The following CCSER2 variants were observed in gnomAD, a reference collection of about 807,000 sequenced individuals.
The protein encoded by CCSER2 is serine-rich coiled-coil domain-containing protein 2.
CCSER2 carries 46 observed loss-of-function variants against 92.3 expected under a neutral mutation model. That is an observed-to-expected ratio of 0.50 (90% CI 0.39 to 0.64). The LOEUF (loss-of-function observed/expected upper bound fraction) is 0.64, where lower values mean the gene tolerates loss of function less well. CCSER2 is among the 30% of genes least tolerant of loss of function. CCSER2 has a pLI of 0.00. For synonymous variants in CCSER2, 433 were observed against 431.4 expected (o/e 1.00, Z -0.04); for missense variants, 1,244 against 1,238.9 (o/e 1.00, Z -0.06).
intron 3 of CCSER2, chr10:84,374,050 A>G: frequency 2.2e-6 from 2 of 913,972 alleles, no homozygotes; most frequent in South Asian, 1.8e-5. Flanking sequence ...TTCCTCATAC[A>G]TATGTGCATA....
At position 84,458,528 on chromosome 10, in the gene CCSER2, A is replaced by G. The variant is rs184511301; in HGVS notation, c.2065-5405A>G. ...TTTTAGTTCTTTTGCCTTTTCATGT[A>G]AATTTTAGAAGCAGCGTTTCTATTT... On this transcript the variant is annotated intron_variant, in intron 6 of 9. Coordinates refer to ENST00000372088, the MANE Select transcript of CCSER2 (RefSeq NM_001284240.2). Among the ~76,000 whole-genome samples the G allele has an allele frequency of 7.0e-3, 1,061 of 152,228 alleles. 7 individuals carry two copies. Among genetic ancestry groups the G allele is most frequent in the South Asian group, 0.028 (136 of 4,830 alleles).
At chr10:84,416,650 TGGGCGC>T (rs1043838439) in intron 3 of CCSER2, among the ~76,000 whole-genome samples, 120 of 152,248 alleles carry the variant, frequency 7.9e-4, no homozygotes, top group African/African-American at 2.8e-3. Flanking sequence ...TTTTTTTGGC[TGGGCGC>T]GGTAGCTCAA....
At chr10:84,432,694 CT>C (rs1843851690) in intron 5 of CCSER2, among the ~76,000 whole-genome samples, 1 of 152,108 alleles carries the variant, frequency 6.6e-6, no homozygotes, top group Non-Finnish European at 1.5e-5. Flanking sequence ...CTTGATAGTA[CT>C]TTTTGCAGGA....
intron 1 of CCSER2, among the ~76,000 whole-genome samples, chr10:84,370,555 T>A (rs1414774472): frequency 6.6e-6 from 1 of 152,124 alleles, no homozygotes; most frequent in Admixed American, 6.6e-5. Flanking sequence ...ATCATATCAT[T>A]GGCAAACAGA....
chr10:84,363,572 C>G (rs1225065130), intron 1 of CCSER2, among the ~76,000 whole-genome samples: 1 of 151,924 alleles, frequency 6.6e-6, no homozygotes, highest in East Asian at 1.9e-4. Context: ...CAATTTATAC[C>G]TTCTAAAAAA....
rs143985813 is a variant in CCSER2 at position 84,375,171 on chromosome 10, A to T, written c.1614+1356A>T. Among the ~76,000 whole-genome samples, 34 of 152,292 alleles carry T rather than the reference A, an allele frequency of 2.2e-4. 2 individuals carry two copies. The East Asian group carries it at 6.6e-3, about 29-fold the overall frequency. On this transcript the variant is annotated intron_variant, in intron 3 of 9. Transcript: ENST00000372088. Reference sequence around the variant, plus strand: ...GAGGCTAACCACCTTGATTCAGTTCATTGTTCCTGTAACTAATCACAAAAT... The same window carrying T: ...GAGGCTAACCACCTTGATTCAGTTCTTTGTTCCTGTAACTAATCACAAAAT...
intron 3 of CCSER2, among the ~76,000 whole-genome samples, chr10:84,396,718 G>A (rs1240355159): frequency 6.6e-6 from 1 of 151,806 alleles, no homozygotes; most frequent in Non-Finnish European, 1.5e-5. Flanking sequence ...TGTATTTTTG[G>A]TAGAGATGGG....
intron 3 of CCSER2, among the ~76,000 whole-genome samples, chr10:84,401,926 A>G (rs1230889818): frequency 6.6e-6 from 1 of 152,206 alleles, no homozygotes; most frequent in Admixed American, 6.5e-5. Context: ...AGAGGTAAGA[A>G]TTGAGAGGCA....
rs375583659 is a variant in CCSER2 at position 84,438,618 on chromosome 10, A to T, written c.1975A>T (p.Ile659Leu). ...MFVDVPENTV[I>L]LDEMTLRHMV... ...TGTTGATGTACCAGAAAATACAGTGATACTGGATGAGATGACCCTTCGGCA... is the reference window on the plus strand; with the variant it reads ...TGTTGATGTACCAGAAAATACAGTGTTACTGGATGAGATGACCCTTCGGCA... The change falls in exon 6 of 10, where the codon ATA (isoleucine) becomes TTA (leucine). Residue 659 changes from isoleucine to leucine, a missense_variant. Ile to Leu is a conservative substitution (Grantham distance 5, BLOSUM62 2). Transcript: ENST00000372088. The T allele has an allele frequency of 9.3e-6, 15 of 1,613,028 alleles. No individual in the cohort carries two copies. The African/African-American group carries it at 2.0e-4, about 22-fold the overall frequency.
chr10:84,423,811 T>G (rs1314664670), intron 4 of CCSER2, among the ~76,000 whole-genome samples: 1 of 151,960 alleles, frequency 6.6e-6, no homozygotes, highest in African/African-American at 2.4e-5. Flanking sequence ...CAAATATGAA[T>G]TTATATATGA....
At chr10:84,421,692 C>A (rs1843157935) in intron 4 of CCSER2, among the ~76,000 whole-genome samples, 1 of 152,066 alleles carries the variant, frequency 6.6e-6, no homozygotes, top group Non-Finnish European at 1.5e-5. Context: ...TTTTTCTCAA[C>A]CATCTTAAGG....
At chr10:84,492,631 A>G (rs1043453224) in intron 9 of CCSER2, among the ~76,000 whole-genome samples, 2 of 152,164 alleles carry the variant, frequency 1.3e-5, no homozygotes, top group Non-Finnish European at 2.9e-5. Flanking sequence ...TATCAAGTTG[A>G]AGTAGTTTCC....
At chr10:84,397,010 A>G (rs998701315) in intron 3 of CCSER2, among the ~76,000 whole-genome samples, 2 of 152,226 alleles carry the variant, frequency 1.3e-5, no homozygotes, top group Admixed American at 6.5e-5. Context: ...TGTAATTTAG[A>G]TAAAAAAACA....
At chr10:84,484,197 C>G (rs1032344909) in intron 9 of CCSER2, among the ~76,000 whole-genome samples, 1 of 151,334 alleles carries the variant, frequency 6.6e-6, no homozygotes. Context: ...AGGATGGTCT[C>G]TATCTCCTGA....
intron 9 of CCSER2, among the ~76,000 whole-genome samples, chr10:84,508,358 A>G (rs1849175340): frequency 6.6e-6 from 1 of 152,166 alleles, no homozygotes; most frequent in Non-Finnish European, 1.5e-5. Context: ...CAGGCATTGT[A>G]CTGTTACTGG....
chr10:84,493,835 T>A (rs1848300306), intron 9 of CCSER2, among the ~76,000 whole-genome samples: 1 of 152,178 alleles, frequency 6.6e-6, no homozygotes, highest in South Asian at 2.1e-4. Flanking sequence ...TAATATATAA[T>A]GAAATAATTA....
chr10:84,495,633 C>T (rs1848405393), intron 9 of CCSER2, among the ~76,000 whole-genome samples: 1 of 152,136 alleles, frequency 6.6e-6, no homozygotes, highest in Admixed American at 6.5e-5. Flanking sequence ...TACGTTTCTG[C>T]AGTTTGGTGT....
chr10:84,472,436 TG>T (rs1846869420), intron 8 of CCSER2, among the ~76,000 whole-genome samples: 1 of 152,096 alleles, frequency 6.6e-6, no homozygotes, highest in Non-Finnish European at 1.5e-5. Flanking sequence ...CTGGTTGTGG[TG>T]GTTCACGCCT....
chr10:84,352,805 T>A (rs1844937620), intron 1 of CCSER2, among the ~76,000 whole-genome samples: 1 of 152,066 alleles, frequency 6.6e-6, no homozygotes, highest in Non-Finnish European at 1.5e-5. Context: ...AATTCTTTTT[T>A]TTTTTGGAGA....
Sources: allele counts gnomAD v4.1 joint callset (sites outside exome capture counted in the v4.1 genomes callset), GRCh38; gene constraint gnomAD v4.1.1; transcripts MANE v1.5; gene names NCBI Gene and HGNC (gene_info 2026-07-23, HGNC 2026-07-21).